The following MTFR1 variants were observed in gnomAD, a reference collection of about 807,000 sequenced individuals.
MTFR1 encodes chondrocyte protein with a poly-proline region.
A neutral mutation model predicts 38.8 loss-of-function variants in MTFR1; 28 were observed. The ratio of observed to expected loss-of-function variants is 0.72; its 90% confidence interval spans 0.53 to 0.99. The LOEUF (loss-of-function observed/expected upper bound fraction) is 0.99, where lower values mean the gene tolerates loss of function less well. Among genes scored for constraint, MTFR1 ranks in the 50% least tolerant of loss-of-function variants. The pLI is 0.00. For synonymous variants in MTFR1, 145 were observed against 137.0 expected (o/e 1.06, Z -0.41); for missense variants, 358 against 395.5 (o/e 0.91, Z 0.81).
At chr8:65,683,931 C>A (rs180875132) in intron 3 of MTFR1, among the ~76,000 whole-genome samples, 1 of 152,162 alleles carries the variant, frequency 6.6e-6, no homozygotes. Context: ...TCTTATTTGC[C>A]AGTTTCCTTC....
chr8:65,654,200 T>C (rs1053964866), intron 1 of MTFR1, among the ~76,000 whole-genome samples: 3 of 152,258 alleles, frequency 2.0e-5, no homozygotes, highest in South Asian at 2.1e-4. Flanking sequence ...CCCTCAGATA[T>C]AGTAAGTGTT....
intron 3 of MTFR1, among the ~76,000 whole-genome samples, chr8:65,768,566 T>A (rs1808916907): frequency 6.6e-6 from 1 of 152,202 alleles, no homozygotes; most frequent in Non-Finnish European, 1.5e-5. Context: ...ACCTCTTTCT[T>A]TTGTAGATTG....
At position 65,709,147 on chromosome 8, in the gene MTFR1, T is replaced by A; in HGVS notation, c.*103T>A. ...TGTTTAGTAAATACCTCTTTAGTATTCAGTGGTCTTCTTTTCAGGCTAATT... is the reference window on the plus strand; with the variant it reads ...TGTTTAGTAAATACCTCTTTAGTATACAGTGGTCTTCTTTTCAGGCTAATT... On this transcript the variant is annotated 3_prime_UTR_variant, in exon 8 of 8. Coordinates refer to ENST00000262146, the MANE Select transcript of MTFR1 (RefSeq NM_014637.4). 1 of 1,007,116 alleles carries A rather than the reference T, an allele frequency of 9.9e-7. No homozygotes were observed. The highest frequency in any genetic ancestry group is 1.5e-6 in the Non-Finnish European group (1 of 646,696). The allele number at this position is 1,007,116 out of a possible 1,614,324, so 62.4% of individuals were successfully genotyped here. A position where few individuals can be genotyped will look rare whatever the true frequency, so the allele number is the denominator to read the frequency against.
chr8:65,706,462 T>C (rs1805783344), intron 5 of MTFR1, among the ~76,000 whole-genome samples: 1 of 152,236 alleles, frequency 6.6e-6, no homozygotes, highest in South Asian at 2.1e-4. Flanking sequence ...TTTCACTGTG[T>C]TGCTCAGGCT....
chr8:65,692,450 A>C (rs1368913063), intron 3 of MTFR1, among the ~76,000 whole-genome samples: 2 of 151,668 alleles, frequency 1.3e-5, no homozygotes, highest in Non-Finnish European at 2.9e-5. Flanking sequence ...TAATCCTCCC[A>C]CCTCAGCCTC....
intron 3 of MTFR1, among the ~76,000 whole-genome samples, chr8:65,686,123 CGT>C (rs1805064222): frequency 6.6e-6 from 1 of 151,966 alleles, no homozygotes; most frequent in African/African-American, 2.4e-5. Flanking sequence ...TAAATTTAAC[CGT>C]GTGTTTCAAT....
In MTFR1 at chr8:65,709,893, A is replaced by T. The variant is rs966288785; in HGVS notation, c.*849A>T. 6 of 152,628 alleles carry T rather than the reference A, an allele frequency of 3.9e-5. No homozygotes were observed. Among genetic ancestry groups the T allele is most frequent in the Admixed American group, 2.0e-4 (3 of 15,278 alleles). 9.5% of individuals were successfully genotyped at this position (152,628 alleles called of 1,614,324 possible). On this transcript the variant is annotated 3_prime_UTR_variant, in exon 8 of 8. Coordinates refer to ENST00000262146, the MANE Select transcript of MTFR1 (RefSeq NM_014637.4). ...CTTTGCTAAGTTAATAGAGTTAAAAATTTTTTTAATATAAGCCAAAATATT... is the reference window on the plus strand; with the variant it reads ...CTTTGCTAAGTTAATAGAGTTAAAATTTTTTTTAATATAAGCCAAAATATT...
intron 4 of MTFR1, among the ~76,000 whole-genome samples, chr8:65,696,239 A>T (rs1214885019): frequency 2.6e-5 from 4 of 152,224 alleles, no homozygotes; most frequent in Non-Finnish European, 5.9e-5. Context: ...GACAAATAGA[A>T]ATAAGGACAT....
In MTFR1 at chr8:65,697,788, A is replaced by T. The variant is rs181007468; in HGVS notation, c.281+4029A>T. Among the ~76,000 whole-genome samples the T allele has an allele frequency of 9.3e-4, 141 of 152,290 alleles. 1 individual carries two copies. Among genetic ancestry groups the T allele is most frequent in the African/African-American group, 3.2e-3 (133 of 41,546 alleles). On this transcript the variant is annotated intron_variant, in intron 4 of 7. Coordinates refer to ENST00000262146, the MANE Select transcript of MTFR1 (RefSeq NM_014637.4). Reference sequence around the variant, plus strand: ...TGCGTTATTTCCTTAATAGCTAATGATGTTAAACATCTTTTTATGCCATAT... The same window carrying T: ...TGCGTTATTTCCTTAATAGCTAATGTTGTTAAACATCTTTTTATGCCATAT...
intron 7 of MTFR1, 122 bp from the exon 8 acceptor site, chr8:65,708,854 G>GT: frequency 1.2e-6 from 1 of 832,666 alleles, no homozygotes; most frequent in Non-Finnish European, 2.0e-6. Flanking sequence ...AATATTCCCA[G>GT]TAGTTGCTTG....
chr8:65,723,786 C>T (rs943938212), intron 3 of MTFR1, among the ~76,000 whole-genome samples: 1 of 152,104 alleles, frequency 6.6e-6, no homozygotes, highest in South Asian at 2.1e-4. Context: ...GTTATTTACA[C>T]ATAGAAGAGA....
chr8:65,690,551 T>C (rs79361086), intron 3 of MTFR1, among the ~76,000 whole-genome samples: 6,306 of 150,158 alleles, frequency 0.042, 191 homozygotes, highest in Non-Finnish European at 0.063. Context: ...AAAAGAAAAG[T>C]AGTACTTTGT....
rs1179431555 is a variant in MTFR1, at chr8:65,730,171, C to CTTTTTTTTTTTTTTTTTT, written c.*48+10699_*48+10716dup. On this transcript the variant is annotated intron_variant, in intron 3 of 3. Coordinates refer to the MTFR1 transcript ENST00000521247. ...TGTGAGGGATCCAGGTTGCGCACTTCTTTTTTTTTTTTTTTTTTTTTTTTT... is the reference window on the plus strand; with the variant it reads ...TGTGAGGGATCCAGGTTGCGCACTTCTTTTTTTTTTTTTTTTTTTTTTTTTTTTTTTTTTTTTTTTTTT... 5.0e-4 allele frequency among the ~76,000 whole-genome samples: 43 copies of CTTTTTTTTTTTTTTTTTT among 86,444 alleles called. 6 individuals are homozygous for CTTTTTTTTTTTTTTTTTT. The highest frequency in any genetic ancestry group is 7.1e-4 in the Admixed American group (5 of 7,008). 56.7% of individuals were successfully genotyped at this position (86,444 alleles called of 152,430 possible).
intron 2 of MTFR1, among the ~76,000 whole-genome samples, chr8:65,670,831 A>G (rs1279463786): frequency 6.6e-6 from 1 of 151,626 alleles, no homozygotes. Context: ...CAGCTCCCCG[A>G]GTAGCTGGGA....
chr8:65,707,344 A>G (rs1328313198), intron 6 of MTFR1, 88 bp downstream of exon 6: 2 of 1,339,010 alleles, frequency 1.5e-6, no homozygotes, highest in African/African-American at 2.9e-5. Context: ...TGTTTATAAC[A>G]TGACTGCCAT....
In MTFR1 at chr8:65,682,386, C is replaced by A; in HGVS notation, c.100C>A (p.Arg34=). 6.4e-7 allele frequency: 1 copy of A among 1,571,334 alleles called. No homozygotes were observed. The highest frequency in any genetic ancestry group is 8.6e-7 in the Non-Finnish European group (1 of 1,158,166). The change falls in exon 3 of 8, where the codon CGA becomes AGA. Residue 34 remains arginine (R), a synonymous_variant. Transcript: ENST00000262146. ...GTCTAGGAAGCCATATGGTTCGTCT[C>A]GAAGTATCGTAAGGAAAATTGGTAC... ...LWSRKPYGSS[R]SIVRKIGTNL...
chr8:65,645,652 A>T (rs1585733842), intron 1 of MTFR1, among the ~76,000 whole-genome samples: 1 of 111,256 alleles, frequency 9.0e-6, no homozygotes, highest in Non-Finnish European at 1.8e-5. Flanking sequence ...CAGCCTCCCC[A>T]CTAGCTGGGA....
At chr8:65,695,583 C>A (rs1203476773) in intron 4 of MTFR1, among the ~76,000 whole-genome samples, 1 of 152,150 alleles carries the variant, frequency 6.6e-6, no homozygotes, top group East Asian at 1.9e-4. Context: ...TCTTGAACTC[C>A]TGACCCCAGG....
At chr8:65,736,629 T>C (rs1807138611) in intron 3 of MTFR1, among the ~76,000 whole-genome samples, 1 of 151,850 alleles carries the variant, frequency 6.6e-6, no homozygotes, top group Non-Finnish European at 1.5e-5. Context: ...TGCACACCTA[T>C]ATTCCTAGCT....
Sources: allele counts gnomAD v4.1 joint callset (sites outside exome capture counted in the v4.1 genomes callset), GRCh38; gene constraint gnomAD v4.1.1; transcripts MANE v1.5; gene names NCBI Gene and HGNC (gene_info 2026-07-23, HGNC 2026-07-21).